NUMA1: variants seen among roughly 807,000 people sequenced by gnomAD.
NUMA1 encodes nuclear mitotic apparatus protein 1.
In NUMA1, 62 loss-of-function variants were observed where a neutral mutation model predicts 237.1. The ratio of observed to expected loss-of-function variants is 0.26; its 90% CI spans 0.21 to 0.32. The LOEUF is 0.32. Among genes scored for constraint, NUMA1 ranks in the 10% least tolerant of loss-of-function variants. The pLI is 1.00. For missense variants in NUMA1, 2,533 were observed against 2,666.5 expected (o/e 0.95, Z 1.10); for synonymous variants, 1,028 against 1,066.1 (o/e 0.96, Z 0.70).
At chr11:72,034,577 G>A (rs1436071439) in intron 3 of NUMA1, among the ~76,000 whole-genome samples, 8 of 151,862 alleles carry the variant, frequency 5.3e-5, no homozygotes, top group South Asian at 2.1e-4. Context: ...GCATGGTGGC[G>A]TGCACCTGTA....
chr11:72,007,107 C>G (rs1405933191), intron 21 of NUMA1, 82 bp downstream of exon 21: 2 of 1,532,002 alleles, frequency 1.3e-6, no homozygotes, highest in African/African-American at 2.7e-5. Context: ...CCTCCCTGCT[C>G]CTGACTGAGT....
At position 72,015,281 on chromosome 11, in the gene NUMA1, G is replaced by A; in HGVS notation, c.2222C>T (p.Ala741Val). 1 of 1,613,566 alleles carries A rather than the reference G, an allele frequency of 6.2e-7. No individual in the cohort carries two copies. The highest frequency in any genetic ancestry group is 1.3e-5 in the African/African-American group (1 of 75,042). The change falls in exon 15 of 27, where the codon GCA (alanine) becomes GTA (valine). Residue 741 changes from alanine to valine, a missense_variant. Around this residue, in one of 3 missense-constraint regions of NUMA1, gnomAD observed 1,414 missense variants for 1,508.1 expected, o/e 0.94. Transcript: ENST00000393695. The surrounding 1 kb of genome is among the most constrained non-coding windows in gnomAD (Gnocchi z 4.0). ...CTGCTCCACCAGGCTTCGGGTCTCTGCCTTCAGCTCAGAGATACAACGCTG... is the reference window on the plus strand; with the variant it reads ...CTGCTCCACCAGGCTTCGGGTCTCTACCTTCAGCTCAGAGATACAACGCTG... The part of the protein sequence containing the change: ...EQQRCISELK[A>V]ETRSLVEQHK...
rs560779200 is a variant in NUMA1, at chr11:72,013,495, G to A, written c.4008C>T (p.Phe1336=). ...GQELKAWQEK[F]FQKEQALSTL... ...TGGAGAGGGCCTGCTCTTTCTGGAA[G>A]AACTTCTCCTGCCACGCCTTCAATT... The change falls in exon 15 of 27, where the codon TTC becomes TTT. Residue 1336 remains phenylalanine, a synonymous_variant. Transcript: ENST00000393695. This position sits in a 1 kb window ranked among gnomAD's most constrained non-coding sequence, Gnocchi z 6.8. 2 of 1,613,444 alleles carry A rather than the reference G, an allele frequency of 1.2e-6. No homozygotes were observed. The highest frequency in any genetic ancestry group is 2.2e-5 in the East Asian group (1 of 44,880).
At position 72,010,830 on chromosome 11, in the gene NUMA1, C is replaced by T. The variant is rs1304523576; in HGVS notation, c.4675G>A (p.Ala1559Thr). The T allele has an allele frequency of 3.7e-6, 6 of 1,613,886 alleles. No homozygotes were observed. Among genetic ancestry groups the T allele is most frequent in the Non-Finnish European group, 4.2e-6 (5 of 1,179,984 alleles). ...ACCTTGCTGGCTTGGTCAGAGTCAG[C>T]CAGTTTCTTACTCAGTTCTTCCACC... ...KQVEELSKKL[A>T]DSDQASKVQQ... Residue 1559 changes from alanine to threonine, a missense_variant, in exon 17 of 27, where the codon GCT (alanine) becomes ACT (threonine). This residue lies in a region of NUMA1 where 795 missense variants were observed against 750.8 expected (regional missense o/e 1.06). Transcript: ENST00000393695.
chr11:72,021,245 C>A lies in NUMA1; in HGVS notation c.419G>T (p.Gly140Val), dbSNP rs532697857. ...CTCTAGGTCCTCATTAAGGTTTAGC[C>A]CGTCCTCATGGTCCAGCACAAATTT... is the stretch of plus-strand genomic sequence containing the variant. ...ILKFVLDHED[G>V]LNLNEDLENF... The change falls in exon 8 of 27, where the codon GGG becomes GTG. Residue 140 changes from glycine (G) to valine (V), a missense_variant. By Grantham distance (109) the Gly-to-Val change is moderately radical. This residue lies in a region of NUMA1 where 1,414 missense variants were observed against 1,508.1 expected (regional missense o/e 0.94). Coordinates refer to ENST00000393695, the MANE Select transcript of NUMA1 (RefSeq NM_006185.4). 4.0e-5 allele frequency: 65 copies of A among 1,614,200 alleles called. 3 individuals carry two copies. In the South Asian group the frequency reaches 7.0e-4, roughly 17 times the overall value.
At chr11:72,035,830 C>A (rs1940961802) in intron 3 of NUMA1, 72 bp downstream of exon 3, 9 of 1,449,648 alleles carry the variant, frequency 6.2e-6, no homozygotes, top group Non-Finnish European at 8.7e-6. Flanking sequence ...CTGGCTCCTA[C>A]AAAACTCCTC....
chr11:72,021,236 A>G lies in NUMA1; in HGVS notation c.428T>C (p.Leu143Pro). 3.7e-6 allele frequency: 6 copies of G among 1,614,208 alleles called. No individual in the cohort carries two copies. Among genetic ancestry groups the G allele is most frequent in the Non-Finnish European group, 5.1e-6 (6 of 1,180,006 alleles). Residue 143 changes from leucine (L) to proline (P), a missense_variant, in exon 8 of 27, where the codon CTT becomes CCT. By Grantham distance (98) the Leu-to-Pro change is moderately conservative (BLOSUM62 -3). Transcript: ENST00000393695. ...FVLDHEDGLN[L>P]NEDLENFLQK... ...TAGGAAGTTCTCTAGGTCCTCATTA[A>G]GGTTTAGCCCGTCCTCATGGTCCAG...
chr11:72,027,868 G>C (rs749228866), intron 4 of NUMA1, among the ~76,000 whole-genome samples: 11 of 152,214 alleles, frequency 7.2e-5, no homozygotes, highest in Non-Finnish European at 1.6e-4. Context: ...TGTGAGCAGA[G>C]AGGATGATGA....
intron 4 of NUMA1, among the ~76,000 whole-genome samples, chr11:72,026,293 A>AT (rs1442305123): frequency 6.6e-6 from 1 of 152,254 alleles, no homozygotes; most frequent in African/African-American, 2.4e-5. Context: ...CAACTGCACC[A>AT]TTTACAACTG....
rs1212662472 is a variant in NUMA1, at chr11:72,017,782, T to G, written c.1024A>C (p.Asn342His). 6.2e-7 allele frequency: 1 copy of G among 1,612,240 alleles called. No homozygotes were observed. Among genetic ancestry groups the G allele is most frequent in the Admixed American group, 1.7e-5 (1 of 60,004 alleles). The change falls in exon 13 of 27, where the codon AAT becomes CAT. Residue 342 changes from asparagine (N) to histidine (H), a missense_variant. Transcript: ENST00000393695. The part of the protein sequence containing the change: ...SHLQQLQDAL[N>H]ELTEEHSKAT... ...TTGCTGTGCTCCTCCGTCAGCTCAT[T>G]GAGGGCATCCTGTAGCTGCTGCAGA...
At chr11:72,019,703 G>A (rs967817810) in intron 8 of NUMA1, 86 bp from the exon 9 acceptor site, 41 of 1,421,316 alleles carry the variant, frequency 2.9e-5, no homozygotes, top group East Asian at 9.7e-5. Context: ...TTGAGAACTC[G>A]CCTTAGTGGG....
chr11:72,007,774 CGCCCCCCACTCA>C, intron 20 of NUMA1: 1 of 383,674 alleles, frequency 2.6e-6, no homozygotes, highest in South Asian at 2.4e-5. Flanking sequence ...TGAATAGGAA[CGCCCCCCACTCA>C]GGCCCCCAAG....
At chr11:72,063,449 T>C (rs1241601255) in intron 2 of NUMA1, among the ~76,000 whole-genome samples, 2 of 151,794 alleles carry the variant, frequency 1.3e-5, no homozygotes, top group African/African-American at 4.8e-5. Flanking sequence ...ACACCTGCAC[T>C]TTGAGAGGCC....
chr11:72,022,453 G>A, intron 6 of NUMA1, 34 bp from the exon 7 acceptor site: 2 of 1,450,458 alleles, frequency 1.4e-6, no homozygotes, highest in Non-Finnish European at 1.9e-6. Flanking sequence ...CACTGAGTGG[G>A]GCTGTCTCTC....
Position 72,013,770 on chromosome 11 carries a change from C to T in NUMA1, c.3733G>A (p.Glu1245Lys). ...SILNRQVLEK[E>K]GESKELKRLV... Reference sequence around the variant, plus strand: ...CGCTTCAACTCCTTGCTCTCCCCCTCCTTCTCCAGGACCTGGCGATTCAGG... The same window carrying T: ...CGCTTCAACTCCTTGCTCTCCCCCTTCTTCTCCAGGACCTGGCGATTCAGG... The change falls in exon 15 of 27, where the codon GAG (glutamate) becomes AAG (lysine). Residue 1245 changes from glutamate to lysine, a missense_variant. By Grantham distance (56) the Glu-to-Lys change is moderately conservative. Around this residue, in one of 3 missense-constraint regions of NUMA1, gnomAD observed 324 missense variants for 407.6 expected, o/e 0.79. Transcript: ENST00000393695. This position sits in a 1 kb window ranked among gnomAD's most constrained non-coding sequence, Gnocchi z 6.8. The T allele has an allele frequency of 6.2e-7, 1 of 1,610,156 alleles. No individual in the cohort carries two copies. Among genetic ancestry groups the T allele is most frequent in the South Asian group, 1.1e-5 (1 of 91,086 alleles).
rs376380594 is a variant in NUMA1 at position 72,006,918 on chromosome 11, G to A, written c.5463+271C>T. 2.6e-4 allele frequency among the ~76,000 whole-genome samples: 40 copies of A among 152,352 alleles called. No homozygotes were observed. In the East Asian group the frequency reaches 3.3e-3, roughly 12 times the overall value. On this transcript the variant is annotated intron_variant, in intron 21 of 26. Coordinates refer to ENST00000393695, the MANE Select transcript of NUMA1 (RefSeq NM_006185.4). Reference sequence around the variant, plus strand: ...ACAGGATGGGCTGCAGCTTCGCCACGTTCTCTCCCTTCACCCTGCACAGGC... The same window carrying A: ...ACAGGATGGGCTGCAGCTTCGCCACATTCTCTCCCTTCACCCTGCACAGGC...
chr11:72,010,344 A>G (rs1245079817), intron 17 of NUMA1, among the ~76,000 whole-genome samples: 2 of 152,244 alleles, frequency 1.3e-5, no homozygotes, highest in Non-Finnish European at 2.9e-5. Context: ...TGTAATATTC[A>G]ACACTGGTGA....
chr11:72,009,052 T>G lies in NUMA1; in HGVS notation c.4973A>C (p.Glu1658Ala). 6.2e-7 allele frequency: 1 copy of G among 1,613,788 alleles called. No individual in the cohort carries two copies. Among genetic ancestry groups the G allele is most frequent in the Non-Finnish European group, 8.5e-7 (1 of 1,180,032 alleles). Residue 1658 changes from glutamate (E) to alanine (A), a missense_variant, in exon 19 of 27, where the codon GAG becomes GCG. Glu to Ala is a moderately radical substitution (Grantham distance 107, BLOSUM62 -1). Around this residue, in one of 3 missense-constraint regions of NUMA1, gnomAD observed 795 missense variants for 750.8 expected, o/e 1.06. Coordinates refer to ENST00000393695, the MANE Select transcript of NUMA1 (RefSeq NM_006185.4). Reference protein sequence around the residue: ...LRAEAERLGHELQQAGLKTKE... With the variant: ...LRAEAERLGHALQQAGLKTKE... ...GGTCTTCAGCCCAGCCTGCTGTAGCTCATGGCCCAGCCGTTCAGCTTCAGC... is the reference window on the plus strand; with the variant it reads ...GGTCTTCAGCCCAGCCTGCTGTAGCGCATGGCCCAGCCGTTCAGCTTCAGC...
At chr11:72,063,295 A>C (rs1169233662) in intron 2 of NUMA1, among the ~76,000 whole-genome samples, 1 of 152,178 alleles carries the variant, frequency 6.6e-6, no homozygotes, top group African/African-American at 2.4e-5. Flanking sequence ...ATGTGAGAGG[A>C]TCACTTGAAC....
Sources: allele counts gnomAD v4.1 joint callset (sites outside exome capture counted in the v4.1 genomes callset), GRCh38; gene constraint gnomAD v4.1.1; regional missense constraint gnomAD v4.1.1; non-coding constraint Gnocchi (gnomAD v3.1); transcripts MANE v1.5; gene names NCBI Gene and HGNC (gene_info 2026-07-23, HGNC 2026-07-21).